CCNL2: variants seen among roughly 807,000 people sequenced by gnomAD.
CCNL2 encodes the protein cyclin-L2.
Under a neutral mutation model 59.1 loss-of-function variants are expected in CCNL2, and 28 were observed. The observed-to-expected ratio is 0.47, with a 90% CI of 0.35 to 0.65. The LOEUF (loss-of-function observed/expected upper bound fraction) is 0.65. Among genes scored for constraint, CCNL2 ranks in the 30% least tolerant of loss-of-function variants. The pLI is 0.00. For synonymous variants in CCNL2, 342 were observed against 288.6 expected, an observed-to-expected ratio of 1.19 and a Z score of -1.88; for missense variants, 714 against 717.4, an observed-to-expected ratio of 1.00 and a Z score of 0.05.
intron 6 of CCNL2, 31 bp from the exon 7 acceptor site, chr1:1,390,594 T>C (rs1203041510): frequency 1.3e-6 from 2 of 1,566,534 alleles, no homozygotes; most frequent in Non-Finnish European, 1.8e-6. Context: ...ATCATTACAC[T>C]TTCCTCAACT....
intron 10 of CCNL2, 56 bp from the exon 11 acceptor site, chr1:1,387,638 A>C: frequency 4.2e-6 from 6 of 1,420,544 alleles, no homozygotes; most frequent in Non-Finnish European, 5.7e-6. Flanking sequence ...GCCAGGCCCC[A>C]CACACCCACA....
In CCNL2 at chr1:1,386,219, C is replaced by G. The variant is rs1033353428; in HGVS notation, c.*1012G>C. Reference sequence around the variant, plus strand: ...TGTCATGGGTTACAAACCAGTCCCCCTCAGGAACGAGAGCACCTTGGAATC... The same window carrying G: ...TGTCATGGGTTACAAACCAGTCCCCGTCAGGAACGAGAGCACCTTGGAATC... On this transcript the variant is annotated 3_prime_UTR_variant, in exon 11 of 11. Transcript: ENST00000400809. 6.6e-6 allele frequency: 1 copy of G among 152,274 alleles called. No individual in the cohort carries two copies. Among genetic ancestry groups the G allele is most frequent in the South Asian group, 2.1e-4 (1 of 4,834 alleles). The allele number at this position is 152,274 out of a possible 1,614,324, so 9.4% of individuals were successfully genotyped here.
At chr1:1,398,480 C>T (rs1645175330) in intron 2 of CCNL2, 117 bp downstream of exon 2, 4 of 1,573,684 alleles carry the variant, frequency 2.5e-6, no homozygotes, top group African/African-American at 2.7e-5. Flanking sequence ...CAGAACCCTC[C>T]GGCACAGAGC....
intron 4 of CCNL2, 134 bp downstream of exon 4, chr1:1,395,260 A>C (rs1644955648): frequency 1.0e-5 from 9 of 863,660 alleles, no homozygotes; most frequent in Admixed American, 2.9e-5. Flanking sequence ...TGAGATTATA[A>C]ATAGAAACTG....
intron 4 of CCNL2, among the ~76,000 whole-genome samples, chr1:1,394,342 T>C (rs892049686): frequency 6.6e-6 from 1 of 152,160 alleles, no homozygotes; most frequent in African/African-American, 2.4e-5. Flanking sequence ...ACGGCCATGG[T>C]CCTCAGTCAG....
At chr1:1,395,588 C>A in intron 3 of CCNL2, 74 bp from the exon 4 acceptor site, 2 of 1,586,664 alleles carry the variant, frequency 1.3e-6, no homozygotes, top group South Asian at 1.1e-5. Context: ...TCGTTACCTC[C>A]AACTATGAGC....
chr1:1,390,221 C>A lies in CCNL2; in HGVS notation c.1006+9G>T, dbSNP rs781441909. The stretch of plus-strand genomic sequence containing the variant: ...TGGGGAGTGGATTCCTGCACTCTAA[C>A]AGACTCACCCAGCTTGGGGGCAGGA... On this transcript the variant is annotated intron_variant, in intron 8 of 10. Coordinates refer to ENST00000400809, the MANE Select transcript of CCNL2 (RefSeq NM_030937.6). 1.9e-6 allele frequency: 3 copies of A among 1,600,928 alleles called. No homozygotes were observed. The highest frequency in any genetic ancestry group is 3.4e-5 in the Admixed American group (2 of 58,956).
intron 1 of CCNL2, 89 bp from the exon 2 acceptor site, chr1:1,398,760 G>T: frequency 7.6e-7 from 1 of 1,317,920 alleles, no homozygotes. Flanking sequence ...GACTCCCCAC[G>T]CAGAACCAAA....
At chr1:1,396,842 G>A (rs1338128571) in intron 3 of CCNL2, among the ~76,000 whole-genome samples, 14 of 150,520 alleles carry the variant, frequency 9.3e-5, no homozygotes, top group African/African-American at 2.9e-4. Context: ...TCCACCTCCC[G>A]GGTTCACGCC....
At chr1:1,395,571 G>A (rs1019396607) in intron 3 of CCNL2, 57 bp from the exon 4 acceptor site, 1 of 1,603,664 alleles carries the variant, frequency 6.2e-7, no homozygotes, top group African/African-American at 1.3e-5. Context: ...AGGCTTCTGA[G>A]ATCCCGTCGT....
At chr1:1,398,498 G>T (rs926542696) in intron 2 of CCNL2, 99 bp downstream of exon 2, 13 of 1,568,512 alleles carry the variant, frequency 8.3e-6, no homozygotes, top group East Asian at 2.2e-5. Context: ...AGCTCAGACT[G>T]GGGGGCAAGT....
chr1:1,388,483 A>G (rs905915213), intron 8 of CCNL2: 4 of 454,618 alleles, frequency 8.8e-6, no homozygotes, highest in East Asian at 6.9e-5. Context: ...ATCACGCCAC[A>G]GTACTCACCT....
chr1:1,391,484 A>G, intron 5 of CCNL2: 2 of 1,283,248 alleles, frequency 1.6e-6, no homozygotes, highest in Middle Eastern at 2.2e-4. Flanking sequence ...GACGCGTGGG[A>G]GCATCGTGCG....
In CCNL2 at chr1:1,393,388, C is replaced by T. The variant is rs2100314285; in HGVS notation, c.659+8G>A. The T allele has an allele frequency of 1.2e-6, 2 of 1,613,282 alleles. No individual in the cohort carries two copies. The highest frequency in any genetic ancestry group is 4.5e-5 in the East Asian group (2 of 44,880). ...GCTGGTCTCATAAAACAAGGAAGCT[C>T]AACTCACCATGAGGTCTGGACCAGG... On this transcript the variant is annotated splice_region_variant and intron_variant, in intron 5 of 10. Coordinates refer to ENST00000400809, the MANE Select transcript of CCNL2 (RefSeq NM_030937.6).
intron 1 of CCNL2, 55 bp from the exon 2 acceptor site, chr1:1,398,726 G>A (rs1645193965): frequency 2.6e-6 from 4 of 1,518,546 alleles, no homozygotes; most frequent in East Asian, 2.3e-5. Context: ...AGCCTTCGCG[G>A]CCGAAAGTCA....
chr1:1,394,273 T>C (rs1039216727), intron 4 of CCNL2, among the ~76,000 whole-genome samples: 1 of 151,902 alleles, frequency 6.6e-6, no homozygotes, highest in Non-Finnish European at 1.5e-5. Context: ...GGAAAACAAG[T>C]GCTTTGTTTC....
intron 4 of CCNL2, 171 bp downstream of exon 4, chr1:1,395,223 G>C (rs937573819): frequency 1.7e-6 from 1 of 593,194 alleles, no homozygotes; most frequent in Non-Finnish European, 2.8e-6. Context: ...GCTGACACTA[G>C]AAGACGAATA....
intron 5 of CCNL2, chr1:1,392,636 A>G: frequency 6.8e-7 from 1 of 1,472,018 alleles, no homozygotes. Flanking sequence ...CAATCGTCAG[A>G]GAACCACAGC....
At chr1:1,395,143 T>C (rs1644949663) in intron 4 of CCNL2, 2 of 437,636 alleles carry the variant, frequency 4.6e-6, no homozygotes, top group South Asian at 1.1e-4. Flanking sequence ...AACTCACCAC[T>C]ATTTTTGAAA....
Sources: gnomAD v4.1 joint callset for allele counts (sites outside exome capture counted in the v4.1 genomes callset) on GRCh38, gnomAD v4.1.1 for gene constraint, MANE v1.5 for transcripts, NCBI Gene and HGNC (gene_info 2026-07-23, HGNC 2026-07-21) for gene names.